Variants in MAF observed in about 807,000 individuals in gnomAD.
The protein encoded by MAF is MAF bZIP transcription factor, also known as transcription factor Maf.
A neutral mutation model predicts 22.0 loss-of-function variants in MAF; 10 were observed. That is an observed-to-expected ratio of 0.45 (90% CI 0.28 to 0.77). The LOEUF (loss-of-function observed/expected upper bound fraction) is 0.77, where lower values mean the gene tolerates loss of function less well. Ranked by LOEUF, MAF falls within the 30% of genes least tolerant of loss-of-function variation. The pLI, the probability that MAF is intolerant of heterozygous loss-of-function variation, is 0.12. For missense variants in MAF, 544 were observed against 548.4 expected (o/e 0.99, Z 0.08); for synonymous variants, 337 against 255.8 (o/e 1.32, Z -3.03).
the MAF span, among the ~76,000 whole-genome samples, chr16:79,258,249 G>T: frequency 6.6e-6 from 1 of 152,182 alleles, no homozygotes; most frequent in Non-Finnish European, 1.5e-5. Flanking sequence ...GGAAGTGCAT[G>T]CAGTCTGCTC....
the MAF span, among the ~76,000 whole-genome samples, chr16:79,560,781 G>A: frequency 2.0e-5 from 3 of 152,274 alleles, no homozygotes; most frequent in Middle Eastern, 3.4e-3. Flanking sequence ...GCCCATTCAC[G>A]TTTTCATAAT....
the MAF span, among the ~76,000 whole-genome samples, chr16:79,344,032 CT>C: frequency 3.3e-5 from 5 of 152,174 alleles, no homozygotes; most frequent in Non-Finnish European, 7.3e-5. Context: ...ACAGAAGTAT[CT>C]GCATTCAAAA....
At chr16:79,337,943 C>T in the MAF span, among the ~76,000 whole-genome samples, 6 of 152,180 alleles carry the variant, frequency 3.9e-5, no homozygotes, top group Non-Finnish European at 8.8e-5. Context: ...GCTTAGCAGC[C>T]GTTCATTCCT....
At chr16:79,388,658 T>G in the MAF span, among the ~76,000 whole-genome samples, 4 of 152,192 alleles carry the variant, frequency 2.6e-5, no homozygotes, top group African/African-American at 4.8e-5. Context: ...TAAAAATATG[T>G]CATTTCAAAA....
chr16:79,482,128 C>T, the MAF span, among the ~76,000 whole-genome samples: 1 of 152,148 alleles, frequency 6.6e-6, no homozygotes, highest in African/African-American at 2.4e-5. Context: ...TGACAAGATC[C>T]TTATTAAAGA....
chr16:79,420,331 G>A, the MAF span, among the ~76,000 whole-genome samples: 1 of 152,200 alleles, frequency 6.6e-6, no homozygotes, highest in Non-Finnish European at 1.5e-5. Flanking sequence ...AGGCAGCAGC[G>A]ACGGCAGACA....
chr16:79,567,021 T>C, the MAF span, among the ~76,000 whole-genome samples: 12 of 152,168 alleles, frequency 7.9e-5, no homozygotes, highest in Admixed American at 2.0e-4. Context: ...CTACCTACAA[T>C]TGAGATGCAA....
At chr16:79,219,003 A>G in the MAF span, among the ~76,000 whole-genome samples, 5 of 152,206 alleles carry the variant, frequency 3.3e-5, no homozygotes, top group Non-Finnish European at 7.3e-5. Context: ...TTCCCAGCTG[A>G]TGCACCGTCT....
chr16:79,590,243 G>GTTC (rs1032119863), downstream of MAF, among the ~76,000 whole-genome samples: 15 of 152,246 alleles, frequency 9.9e-5, no homozygotes, highest in African/African-American at 3.4e-4. Context: ...AGGGAGGGTT[G>GTTC]TTCTTAGAAA....
the MAF span, among the ~76,000 whole-genome samples, chr16:79,539,158 T>C: frequency 6.6e-6 from 1 of 152,262 alleles, no homozygotes; most frequent in Admixed American, 6.5e-5. Flanking sequence ...GTATTTGTGG[T>C]AGTATAAACT....
chr16:79,488,094 T>C, the MAF span, among the ~76,000 whole-genome samples: 5 of 152,336 alleles, frequency 3.3e-5, no homozygotes, highest in African/African-American at 1.2e-4. Context: ...CCTGGAGACC[T>C]GGAGTGACGC....
At chr16:79,572,123 C>T in the MAF span, among the ~76,000 whole-genome samples, 1 of 152,166 alleles carries the variant, frequency 6.6e-6, no homozygotes, top group African/African-American at 2.4e-5. Context: ...GTCTTTTTTA[C>T]ATTTGTAGCA....
the MAF span, among the ~76,000 whole-genome samples, chr16:79,506,194 C>CCT: frequency 6.6e-6 from 1 of 152,282 alleles, no homozygotes; most frequent in African/African-American, 2.4e-5. Context: ...AATATTTACT[C>CCT]TGTAACCAGC....
the MAF span, among the ~76,000 whole-genome samples, chr16:79,499,073 T>C: frequency 6.6e-6 from 1 of 152,206 alleles, no homozygotes; most frequent in Non-Finnish European, 1.5e-5. Flanking sequence ...GGATTATCAA[T>C]GAAAGGCACA....
the MAF span, among the ~76,000 whole-genome samples, chr16:79,288,953 C>T: frequency 6.6e-6 from 1 of 152,200 alleles, no homozygotes; most frequent in African/African-American, 2.4e-5. Flanking sequence ...TGGTCTTAAA[C>T]TCCTAACCTC....
chr16:79,203,169 G>A, the MAF span: 1 of 152,184 alleles, frequency 6.6e-6, no homozygotes, highest in Non-Finnish European at 1.5e-5. Context: ...CCACTGTGAA[G>A]AGATCTCTCT....
the MAF span, among the ~76,000 whole-genome samples, chr16:79,398,595 C>A: frequency 6.6e-6 from 1 of 152,102 alleles, no homozygotes; most frequent in South Asian, 2.1e-4. Context: ...ATCAACATCA[C>A]AGGCTTGTGG....
the MAF span, among the ~76,000 whole-genome samples, chr16:79,251,225 T>C: frequency 1.3e-5 from 2 of 152,156 alleles, no homozygotes; most frequent in African/African-American, 2.4e-5. Context: ...TGGCCGCTGA[T>C]TGCGCATTTG....
At chr16:79,272,156 G>T in the MAF span, among the ~76,000 whole-genome samples, 1 of 152,336 alleles carries the variant, frequency 6.6e-6, no homozygotes, top group South Asian at 2.1e-4. Flanking sequence ...CGTCTCTGAT[G>T]AAAACGTTCA....
Sources: gnomAD v4.1 joint callset for allele counts (sites outside exome capture counted in the v4.1 genomes callset) on GRCh38, gnomAD v4.1.1 for gene constraint, MANE v1.5 for transcripts, NCBI Gene and HGNC (gene_info 2026-07-23, HGNC 2026-07-21) for gene names.